RSPO2: variants seen among roughly 807,000 people sequenced by gnomAD.
The protein encoded by RSPO2 is R-spondin 2, also known as R-spondin-2.
In RSPO2, 14 loss-of-function variants were observed where a neutral mutation model predicts 30.9. The ratio of observed to expected loss-of-function variants is 0.45; its 90% CI spans 0.30 to 0.71. The LOEUF (loss-of-function observed/expected upper bound fraction) is 0.71. RSPO2 is among the 30% of genes least tolerant of loss of function. The pLI is 0.08. For synonymous variants in RSPO2, 107 were observed against 96.4 expected (o/e 1.11, Z -0.64); for missense variants, 264 against 301.9 (o/e 0.87, Z 0.93).
intron 2 of RSPO2, among the ~76,000 whole-genome samples, chr8:108,055,852 A>G (rs1812227267): frequency 6.6e-6 from 1 of 152,180 alleles, no homozygotes; most frequent in Non-Finnish European, 1.5e-5. Context: ...CAGAATTATA[A>G]TTAGTACAAT....
At chr8:108,059,137 TCAAA>T (rs1162659135) in intron 2 of RSPO2, among the ~76,000 whole-genome samples, 1 of 150,996 alleles carries the variant, frequency 6.6e-6, no homozygotes, top group African/African-American at 2.5e-5. Flanking sequence ...TACAATGAAC[TCAAA>T]CAAATTTACA....
chr8:107,934,042 C>A (rs764872543), intron 5 of RSPO2, among the ~76,000 whole-genome samples: 1 of 152,018 alleles, frequency 6.6e-6, no homozygotes, highest in African/African-American at 2.4e-5. Context: ...AGGAGGAATC[C>A]TCCTCATTAA....
At chr8:108,022,510 G>A (rs1811087726) in intron 2 of RSPO2, among the ~76,000 whole-genome samples, 1 of 152,130 alleles carries the variant, frequency 6.6e-6, no homozygotes, top group African/African-American at 2.4e-5. Flanking sequence ...TATTCTCATT[G>A]CTCTTAACAC....
At chr8:107,940,777 A>C (rs1812870772) in intron 5 of RSPO2, among the ~76,000 whole-genome samples, 1 of 152,206 alleles carries the variant, frequency 6.6e-6, no homozygotes, top group Non-Finnish European at 1.5e-5. Flanking sequence ...AGCTATTTGC[A>C]AAATTTTAAC....
intron 3 of RSPO2, among the ~76,000 whole-genome samples, chr8:107,979,867 T>C (rs1338282000): frequency 1.3e-5 from 2 of 152,144 alleles, no homozygotes; most frequent in South Asian, 2.1e-4. Flanking sequence ...AGCTTCCTAA[T>C]TGGTCTCTGT....
chr8:108,038,360 TA>T (rs1234264584), intron 2 of RSPO2, among the ~76,000 whole-genome samples: 1 of 152,188 alleles, frequency 6.6e-6, no homozygotes, highest in Non-Finnish European at 1.5e-5. Context: ...TTCTTATGGA[TA>T]AGCAAAGAAA....
At chr8:107,982,133 T>G (rs936413090) in intron 3 of RSPO2, among the ~76,000 whole-genome samples, 6 of 151,028 alleles carry the variant, frequency 4.0e-5, no homozygotes, top group Non-Finnish European at 5.9e-5. Context: ...AATCATAAAA[T>G]GTAGCAGAAA....
At chr8:108,033,442 C>G (rs1034888123) in intron 2 of RSPO2, among the ~76,000 whole-genome samples, 6 of 152,168 alleles carry the variant, frequency 3.9e-5, no homozygotes. Context: ...CTGATCTTCT[C>G]CATAACCTGT....
chr8:107,902,989 G>A (rs1811526296), intron 5 of RSPO2, among the ~76,000 whole-genome samples: 1 of 151,986 alleles, frequency 6.6e-6, no homozygotes, highest in Non-Finnish European at 1.5e-5. Flanking sequence ...ATTAATCAAA[G>A]CAGCTGTAAA....
chr8:108,057,553 T>C (rs911548804), intron 2 of RSPO2, among the ~76,000 whole-genome samples: 4 of 152,168 alleles, frequency 2.6e-5, no homozygotes, highest in East Asian at 3.9e-4. Flanking sequence ...GTCTCAACTA[T>C]GCAGGGGGTT....
intron 4 of RSPO2, 120 bp downstream of exon 4, chr8:107,960,554 T>A (rs968874449): frequency 1.4e-5 from 13 of 931,568 alleles, no homozygotes; most frequent in Middle Eastern, 2.3e-4. Flanking sequence ...TAATTTTCAG[T>A]TCTACTGAAC....
chr8:107,937,814 A>T (rs1313668242), intron 5 of RSPO2, among the ~76,000 whole-genome samples: 1 of 152,028 alleles, frequency 6.6e-6, no homozygotes, highest in African/African-American at 2.4e-5. Flanking sequence ...TCTCACCAAA[A>T]TTTTTAGTAA....
chr8:108,081,738 G>T, intron 2 of RSPO2: 1 of 198,132 alleles, frequency 5.0e-6, no homozygotes, highest in African/African-American at 2.4e-5. Flanking sequence ...CTACGCACAA[G>T]TGATGGAGAG....
chr8:108,000,107 T>C (rs1465110189), intron 2 of RSPO2, among the ~76,000 whole-genome samples: 1 of 152,192 alleles, frequency 6.6e-6, no homozygotes, highest in Non-Finnish European at 1.5e-5. Flanking sequence ...GGAAAGACGA[T>C]GAACTGAGGT....
At chr8:108,040,193 T>C (rs1394561095) in intron 2 of RSPO2, among the ~76,000 whole-genome samples, 7 of 151,990 alleles carry the variant, frequency 4.6e-5, no homozygotes, top group African/African-American at 1.5e-4. Context: ...CTCTGAGAAA[T>C]AGGAAAATAG....
intron 4 of RSPO2, among the ~76,000 whole-genome samples, chr8:107,959,577 A>G (rs1474497836): frequency 2.6e-5 from 4 of 152,208 alleles, no homozygotes; most frequent in Non-Finnish European, 5.9e-5. Flanking sequence ...AAAGACATTT[A>G]AGATTTTTTA....
intron 5 of RSPO2, among the ~76,000 whole-genome samples, chr8:107,921,054 C>G (rs1317955030): frequency 6.6e-6 from 1 of 151,962 alleles, no homozygotes; most frequent in Non-Finnish European, 1.5e-5. Context: ...GATGTTAGCA[C>G]AGATAGTTAC....
intron 2 of RSPO2, among the ~76,000 whole-genome samples, chr8:108,057,729 G>T (rs1449752039): frequency 1.3e-5 from 2 of 152,122 alleles, no homozygotes; most frequent in Admixed American, 1.3e-4. Flanking sequence ...ATTTGTAAAA[G>T]CTATGTGTAT....
intron 5 of RSPO2, among the ~76,000 whole-genome samples, chr8:107,908,926 TG>T (rs1811736344): frequency 6.6e-6 from 1 of 152,214 alleles, no homozygotes; most frequent in African/African-American, 2.4e-5. Flanking sequence ...AGAATAGAGA[TG>T]TAAAACTGCA....
Sources: allele counts gnomAD v4.1 joint callset (sites outside exome capture counted in the v4.1 genomes callset), GRCh38; gene constraint gnomAD v4.1.1; transcripts MANE v1.5; gene names NCBI Gene and HGNC (gene_info 2026-07-23, HGNC 2026-07-21).